ANK3: variants seen among roughly 807,000 people sequenced by gnomAD.
ANK3 encodes ankyrin-3.
A neutral mutation model predicts 370.9 loss-of-function variants in ANK3; 57 were observed. The ratio of observed to expected loss-of-function variants is 0.15; its 90% confidence interval spans 0.12 to 0.19. ANK3 has a LOEUF of 0.19. Among genes scored for constraint, ANK3 ranks in the 10% least tolerant of loss-of-function variants. The pLI, the probability that ANK3 is intolerant of heterozygous loss-of-function variation, is 1.00. For synonymous variants in ANK3, 1,929 were observed against 1,946.3 expected, an observed-to-expected ratio of 0.99 and a Z score of 0.23; for missense variants, 4,439 against 5,302.1, an observed-to-expected ratio of 0.84 and a Z score of 5.06.
chr10:60,400,871 C>T (rs1333543124), intron 2 of ANK3, among the ~76,000 whole-genome samples: 1 of 152,120 alleles, frequency 6.6e-6, no homozygotes, highest in Non-Finnish European at 1.5e-5. Flanking sequence ...CTCCCCACCC[C>T]ACTTCCCAAC....
chr10:60,442,538 G>A (rs1227333888), intron 2 of ANK3, among the ~76,000 whole-genome samples: 6 of 151,714 alleles, frequency 4.0e-5, no homozygotes, highest in Admixed American at 2.0e-4. Context: ...GTTTTTTCCC[G>A]AATATTTTCA....
At chr10:60,343,990 G>A (rs1256831242) in intron 1 of ANK3, among the ~76,000 whole-genome samples, 1 of 152,208 alleles carries the variant, frequency 6.6e-6, no homozygotes, top group East Asian at 1.9e-4. Flanking sequence ...ATGGACCTGG[G>A]CCTATATTTT....
At chr10:60,371,543 T>C (rs939113524) in intron 1 of ANK3, among the ~76,000 whole-genome samples, 1 of 152,220 alleles carries the variant, frequency 6.6e-6, no homozygotes, top group African/African-American at 2.4e-5. Context: ...GAAATATTGT[T>C]GAATCAAAAC....
At chr10:60,045,611 G>T (rs2076820787) in intron 42 of ANK3, among the ~76,000 whole-genome samples, 1 of 152,212 alleles carries the variant, frequency 6.6e-6, no homozygotes, top group South Asian at 2.1e-4. Context: ...ACTTCTTACT[G>T]AAAAGGTGAA....
At chr10:60,409,279 G>A (rs2063513134) in intron 2 of ANK3, among the ~76,000 whole-genome samples, 1 of 152,092 alleles carries the variant, frequency 6.6e-6, no homozygotes, top group Non-Finnish European at 1.5e-5. Context: ...TCCCATTTCT[G>A]GAGAGACCAA....
intron 23 of ANK3, among the ~76,000 whole-genome samples, chr10:60,142,136 A>ACTTCTTGGCTATTTTTC (rs909152621): frequency 1.3e-5 from 2 of 151,998 alleles, no homozygotes; most frequent in Admixed American, 6.6e-5. Context: ...CCTTCCACTG[A>ACTTCTTGGCTATTTTTC]CTTCTTGGCT....
At chr10:60,535,209 G>A (rs990490216) in intron 2 of ANK3, among the ~76,000 whole-genome samples, 9 of 152,056 alleles carry the variant, frequency 5.9e-5, no homozygotes, top group Non-Finnish European at 1.0e-4. Flanking sequence ...TAATGTTTGC[G>A]GTTTCACAGT....
At chr10:60,536,850 C>G (rs928326045) in intron 2 of ANK3, among the ~76,000 whole-genome samples, 1 of 151,980 alleles carries the variant, frequency 6.6e-6, no homozygotes, top group Non-Finnish European at 1.5e-5. Context: ...GAAAACAGAT[C>G]TGCTGTCTAT....
At chr10:60,269,658 C>A (rs10994290) in intron 5 of ANK3, among the ~76,000 whole-genome samples, 56,491 of 126,520 alleles carry the variant, frequency 0.45, 12,700 homozygotes, top group Middle Eastern at 0.57. Flanking sequence ...TCCCCCCCCC[C>A]AAAAAAAGTA....
In ANK3 at chr10:60,071,551, T is replaced by C. The variant is rs746755041; in HGVS notation, c.9330A>G (p.Gln3110=). The change falls in exon 37 of 44, where the codon CAA becomes CAG. Residue 3110 remains glutamine (Q), a synonymous_variant. Coordinates refer to ENST00000280772, the MANE Select transcript of ANK3 (RefSeq NM_020987.5). ...TTATGATTTTTTTTACACCTCCTTG[T>C]TGTATCTCCTTTTCATATTGCTTCC... is the stretch of plus-strand genomic sequence containing the variant. ...QVGKQYEKEI[Q]QGGVKKIISQ... 4.3e-6 allele frequency: 7 copies of C among 1,614,124 alleles called. No homozygotes were observed. In the South Asian group the frequency reaches 6.6e-5, roughly 15 times the overall value.
chr10:60,620,755 G>A (rs570227212), intron 1 of ANK3, among the ~76,000 whole-genome samples: 21 of 152,088 alleles, frequency 1.4e-4, no homozygotes, highest in East Asian at 5.8e-4. Context: ...TAGCAATAAC[G>A]CTAATTACCA....
intron 1 of ANK3, among the ~76,000 whole-genome samples, chr10:60,327,355 T>G (rs895494852): frequency 6.6e-6 from 1 of 152,248 alleles, no homozygotes; most frequent in Non-Finnish European, 1.5e-5. Context: ...GATAGCAAGC[T>G]GTTTTTTGTT....
intron 2 of ANK3, among the ~76,000 whole-genome samples, chr10:60,523,121 G>T (rs768446707): frequency 3.3e-5 from 5 of 151,964 alleles, no homozygotes; most frequent in Non-Finnish European, 5.9e-5. Flanking sequence ...GCCCATTTCA[G>T]AGTCTTTAAC....
intron 1 of ANK3, among the ~76,000 whole-genome samples, chr10:60,708,542 G>A (rs1437553403): frequency 6.6e-6 from 1 of 152,128 alleles, no homozygotes; most frequent in Non-Finnish European, 1.5e-5. Flanking sequence ...GTCCAGCAGG[G>A]GAAGGGGAAA....
intron 7 of ANK3, among the ~76,000 whole-genome samples, chr10:60,251,893 C>T (rs375392777): frequency 2.0e-5 from 3 of 152,208 alleles, no homozygotes; most frequent in Non-Finnish European, 2.9e-5. Flanking sequence ...CCTTCCCCAC[C>T]GGGCTGGACT....
intron 1 of ANK3, among the ~76,000 whole-genome samples, chr10:60,335,169 G>A (rs2052516284): frequency 6.6e-6 from 1 of 152,120 alleles, no homozygotes; most frequent in Non-Finnish European, 1.5e-5. Flanking sequence ...TGCTTCCCGA[G>A]TTTGCAGTAG....
intron 1 of ANK3, among the ~76,000 whole-genome samples, chr10:60,285,703 G>A (rs901802886): frequency 3.9e-5 from 6 of 151,918 alleles, no homozygotes; most frequent in African/African-American, 7.3e-5. Flanking sequence ...CCATATCCAC[G>A]TAGTGCTCAT....
intron 25 of ANK3, among the ~76,000 whole-genome samples, chr10:60,122,540 C>A (rs985914679): frequency 6.6e-6 from 1 of 152,204 alleles, no homozygotes; most frequent in Admixed American, 6.5e-5. Flanking sequence ...TCAGAGATGC[C>A]CCAGCATCAC....
At chr10:60,054,957 G>C (rs1310754586) in intron 42 of ANK3, among the ~76,000 whole-genome samples, 12 of 152,006 alleles carry the variant, frequency 7.9e-5, no homozygotes, top group Non-Finnish European at 1.8e-4. Context: ...TAAAAATAGA[G>C]TAAACCTCAA....
Sources: gnomAD v4.1 joint callset for allele counts (sites outside exome capture counted in the v4.1 genomes callset) on GRCh38, gnomAD v4.1.1 for gene constraint, MANE v1.5 for transcripts, NCBI Gene and HGNC (gene_info 2026-07-23, HGNC 2026-07-21) for gene names.